Variants in POU2F1 observed in about 807,000 individuals in gnomAD.
The protein encoded by POU2F1 is POU domain, class 2, transcription factor 1.
POU2F1 carries 16 observed loss-of-function variants against 84.9 expected under a neutral mutation model. That is an observed-to-expected ratio of 0.19 (90% CI 0.13 to 0.29). The LOEUF is 0.29. Ranked by LOEUF, POU2F1 falls within the 10% of genes least tolerant of loss-of-function variation. The pLI is 1.00. For synonymous variants in POU2F1, 368 were observed against 368.3 expected, an observed-to-expected ratio of 1.00 and a Z score of 0.01; for missense variants, 738 against 942.6, an observed-to-expected ratio of 0.78 and a Z score of 2.84.
At chr1:167,323,694 A>G (rs967665405) in intron 1 of POU2F1, among the ~76,000 whole-genome samples, 7 of 152,012 alleles carry the variant, frequency 4.6e-5, no homozygotes, top group Admixed American at 1.3e-4. Context: ...CACACTATTT[A>G]TTTATTTATT....
Position 167,383,831 on chromosome 1 carries a change from C to G in POU2F1, c.719-26C>G, listed in dbSNP as rs548714849. ...GTGTTCGAAGAAATCTTTAATGTTT[C>G]TGGATAACATGTTTTTCTTCTACAG... On this transcript the variant is annotated intron_variant, in intron 7 of 15. Transcript: ENST00000367866. 3.9e-5 allele frequency: 61 copies of G among 1,570,344 alleles called. No homozygotes were observed. In the East Asian group the frequency reaches 1.2e-3, roughly 32 times the overall value.
intron 1 of POU2F1, among the ~76,000 whole-genome samples, chr1:167,321,074 C>T: frequency 6.6e-6 from 1 of 152,132 alleles, no homozygotes; most frequent in Non-Finnish European, 1.5e-5. Flanking sequence ...TTGTCAGGAG[C>T]TATAATTAAA....
At chr1:167,358,551 A>G (rs1659126633) in intron 2 of POU2F1, among the ~76,000 whole-genome samples, 1 of 151,976 alleles carries the variant, frequency 6.6e-6, no homozygotes, top group Admixed American at 6.6e-5. Context: ...TTACTTACCT[A>G]CTAATTCAGT....
intron 1 of POU2F1, among the ~76,000 whole-genome samples, chr1:167,251,883 C>T (rs1416606106): frequency 1.3e-5 from 2 of 149,694 alleles, no homozygotes; most frequent in East Asian, 2.0e-4. Context: ...CTCACTGTGT[C>T]GCCCAGGCTG....
intron 13 of POU2F1, among the ~76,000 whole-genome samples, chr1:167,408,266 T>C (rs1649718987): frequency 6.6e-6 from 1 of 152,200 alleles, no homozygotes; most frequent in South Asian, 2.1e-4. Flanking sequence ...AAACTGGAAC[T>C]TTCATGCATT....
chr1:167,399,164 A>G (rs746463668), intron 11 of POU2F1, 22 bp from the exon 12 acceptor site: 2 of 1,581,904 alleles, frequency 1.3e-6, no homozygotes, highest in Non-Finnish European at 1.7e-6. Context: ...AGCTTTTGGA[A>G]TTACATCTTT....
chr1:167,322,666 G>A (rs191812366), intron 1 of POU2F1, among the ~76,000 whole-genome samples: 6 of 152,322 alleles, frequency 3.9e-5, no homozygotes, highest in Non-Finnish European at 7.4e-5. Flanking sequence ...AGGAATTAAA[G>A]ACACACAGAA....
chr1:167,379,737 A>G (rs1557942028), intron 7 of POU2F1: 1 of 152,222 alleles, frequency 6.6e-6, no homozygotes, highest in Admixed American at 6.5e-5. Context: ...AAGCCTTAAG[A>G]TAGAATGAGA....
intron 1 of POU2F1, among the ~76,000 whole-genome samples, chr1:167,251,721 C>T (rs924513959): frequency 2.0e-5 from 3 of 151,940 alleles, no homozygotes; most frequent in African/African-American, 7.3e-5. Flanking sequence ...GGTTTCTTTA[C>T]GTATTAGGCT....
chr1:167,311,074 C>G (rs1655435445), intron 1 of POU2F1, among the ~76,000 whole-genome samples: 1 of 152,068 alleles, frequency 6.6e-6, no homozygotes, highest in Admixed American at 6.6e-5. Flanking sequence ...TTTCAGAACA[C>G]TGACTGAAAA....
chr1:167,250,055 T>G (rs1462645021), intron 1 of POU2F1, among the ~76,000 whole-genome samples: 1 of 152,206 alleles, frequency 6.6e-6, no homozygotes, highest in Non-Finnish European at 1.5e-5. Flanking sequence ...AGGAGCAGTA[T>G]CTGTAGTATC....
chr1:167,306,311 A>G (rs1258855729), intron 1 of POU2F1, among the ~76,000 whole-genome samples: 2 of 152,240 alleles, frequency 1.3e-5, no homozygotes, highest in Admixed American at 1.3e-4. Flanking sequence ...TAGTCCTAAC[A>G]CTATTAAGAC....
At chr1:167,389,939 A>C (rs1648275576) in intron 9 of POU2F1, among the ~76,000 whole-genome samples, 178 bp downstream of exon 9, 1 of 152,232 alleles carries the variant, frequency 6.6e-6, no homozygotes, top group African/African-American at 2.4e-5. Context: ...TCTTGCCATT[A>C]TTTCCTAAAC....
intron 13 of POU2F1, 137 bp from the exon 14 acceptor site, chr1:167,411,822 A>G (rs552964993): frequency 1.1e-4 from 90 of 784,768 alleles, no homozygotes; most frequent in Non-Finnish European, 1.6e-4. Context: ...TAAAAGCACT[A>G]AACTAGGTTA....
intron 1 of POU2F1, among the ~76,000 whole-genome samples, chr1:167,224,039 T>TTA (rs1023671952): frequency 6.6e-6 from 1 of 152,192 alleles, no homozygotes; most frequent in African/African-American, 2.4e-5. Flanking sequence ...CGTAGATATT[T>TTA]TATACAAAAT....
Position 167,419,819 on chromosome 1 carries a change from A to G in POU2F1, c.*4009A>G, listed in dbSNP as rs892087262. On this transcript the variant is annotated 3_prime_UTR_variant, in exon 16 of 16. Transcript: ENST00000367866. The stretch of plus-strand genomic sequence containing the variant: ...GAATCCAACTTTCATTTTGTGTAGA[A>G]TCATACCTACTTATACTTAATGCTA... 7 of 152,210 alleles carry G rather than the reference A, an allele frequency of 4.6e-5. No individual in the cohort carries two copies. The highest frequency in any genetic ancestry group is 1.7e-4 in the African/African-American group (7 of 41,444). 9.4% of individuals were successfully genotyped at this position (152,210 alleles called of 1,614,324 possible). A position where few individuals can be genotyped will look rare whatever the true frequency, so the allele number is the denominator to read the frequency against.
At chr1:167,279,510 T>C (rs1235456093) in intron 1 of POU2F1, among the ~76,000 whole-genome samples, 1 of 152,166 alleles carries the variant, frequency 6.6e-6, no homozygotes, top group African/African-American at 2.4e-5. Context: ...AGTTATGACT[T>C]AGAACAGAGG....
At chr1:167,325,987 C>T (rs372709910) in intron 1 of POU2F1, among the ~76,000 whole-genome samples, 262 of 151,876 alleles carry the variant, frequency 1.7e-3, no homozygotes, top group African/African-American at 6.0e-3. Flanking sequence ...ACATTTTAGG[C>T]GTAATTGTGA....
intron 1 of POU2F1, among the ~76,000 whole-genome samples, chr1:167,238,808 CA>C (rs1649687394): frequency 6.6e-6 from 1 of 152,180 alleles, no homozygotes; most frequent in Non-Finnish European, 1.5e-5. Context: ...TACTGGGTTG[CA>C]TTGGGTTTGA....
Sources: allele counts gnomAD v4.1 joint callset (sites outside exome capture counted in the v4.1 genomes callset), GRCh38; gene constraint gnomAD v4.1.1; transcripts MANE v1.5; gene names NCBI Gene and HGNC (gene_info 2026-07-23, HGNC 2026-07-21).